Variants in ASAP1 observed in about 807,000 individuals in gnomAD.
ASAP1 encodes the protein ArfGAP with SH3 domain, ankyrin repeat and PH domain 1.
Under a neutral mutation model 145.2 loss-of-function variants are expected in ASAP1, and 43 were observed. That is an observed-to-expected ratio of 0.30 (90% CI 0.23 to 0.38). The LOEUF (loss-of-function observed/expected upper bound fraction) is 0.38. ASAP1 is among the 10% of genes least tolerant of loss of function. The pLI is 1.00. For synonymous variants in ASAP1, 546 were observed against 515.5 expected (o/e 1.06, Z -0.80); for missense variants, 1,018 against 1,355.3 (o/e 0.75, Z 3.91).
intron 3 of ASAP1, among the ~76,000 whole-genome samples, chr8:130,353,932 G>T (rs1299292238): frequency 6.6e-6 from 1 of 152,068 alleles, no homozygotes; most frequent in Non-Finnish European, 1.5e-5. Context: ...TGTCGCCCAG[G>T]CTGGAGTGCA....
intron 3 of ASAP1, among the ~76,000 whole-genome samples, chr8:130,299,500 T>A (rs1402940788): frequency 6.6e-6 from 1 of 152,162 alleles, no homozygotes; most frequent in African/African-American, 2.4e-5. Flanking sequence ...CTCATCCTCA[T>A]CCCCTTTTTA....
intron 27 of ASAP1, among the ~76,000 whole-genome samples, chr8:130,073,029 CAGTT>C (rs1259770747): frequency 6.7e-6 from 1 of 148,846 alleles, no homozygotes; most frequent in South Asian, 2.1e-4. Context: ...AGGAAAAACA[CAGTT>C]AGAGAATTAT....
At chr8:130,152,130 G>C (rs2097647837) in intron 13 of ASAP1, among the ~76,000 whole-genome samples, 1 of 152,158 alleles carries the variant, frequency 6.6e-6, no homozygotes, top group African/African-American at 2.4e-5. Flanking sequence ...AATTCATTGA[G>C]CAGTGCCCCA....
chr8:130,233,878 A>G (rs1383019729), intron 4 of ASAP1, among the ~76,000 whole-genome samples: 10 of 152,218 alleles, frequency 6.6e-5, no homozygotes, highest in Non-Finnish European at 5.9e-5. Context: ...CATAAACTAC[A>G]AAAACGAAAA....
At chr8:130,153,357 A>ATGTG (rs1554834283) in intron 12 of ASAP1, among the ~76,000 whole-genome samples, 10 of 39,872 alleles carry the variant, frequency 2.5e-4, no homozygotes, top group African/African-American at 8.0e-4. Context: ...ATATATATAT[A>ATGTG]TGTATATATA....
At chr8:130,138,673 C>G (rs1316647074) in intron 13 of ASAP1, among the ~76,000 whole-genome samples, 4 of 152,046 alleles carry the variant, frequency 2.6e-5, no homozygotes, top group East Asian at 3.9e-4. Context: ...CCTGTCTCTA[C>G]TAAAAATACA....
intron 28 of ASAP1, among the ~76,000 whole-genome samples, chr8:130,059,549 G>A (rs57047177): frequency 0.11 from 16,582 of 152,064 alleles, 1,136 homozygotes; most frequent in African/African-American, 0.19. Context: ...CTGAACTCCT[G>A]GCCTCAAGCG....
intron 9 of ASAP1, among the ~76,000 whole-genome samples, chr8:130,176,793 C>G (rs550695225): frequency 9.9e-5 from 15 of 151,650 alleles, no homozygotes; most frequent in Admixed American, 6.6e-5. Context: ...TGGATTCAAG[C>G]GATTCTCCTG....
At chr8:130,439,379 T>C (rs991111273) in intron 1 of ASAP1, among the ~76,000 whole-genome samples, 1 of 152,188 alleles carries the variant, frequency 6.6e-6, no homozygotes, top group African/African-American at 2.4e-5. Context: ...ACCACTAAGT[T>C]TGGAGTAATT....
At chr8:130,432,229 C>T (rs1049974395) in intron 1 of ASAP1, among the ~76,000 whole-genome samples, 6 of 151,748 alleles carry the variant, frequency 4.0e-5, no homozygotes, top group Non-Finnish European at 5.9e-5. Context: ...ACAAATGTTA[C>T]GGGTACTCAA....
At chr8:130,241,860 A>C (rs894754818) in intron 3 of ASAP1, among the ~76,000 whole-genome samples, 1 of 152,158 alleles carries the variant, frequency 6.6e-6, no homozygotes, top group African/African-American at 2.4e-5. Flanking sequence ...TTTCTATTTT[A>C]GAATTACTTT....
At chr8:130,329,780 C>T (rs1359615122) in intron 3 of ASAP1, among the ~76,000 whole-genome samples, 18 of 152,194 alleles carry the variant, frequency 1.2e-4, no homozygotes. Flanking sequence ...TGACGTGTTG[C>T]ACTTCTCTAC....
At chr8:130,291,217 T>C (rs1018265883) in intron 3 of ASAP1, among the ~76,000 whole-genome samples, 39 of 152,174 alleles carry the variant, frequency 2.6e-4, no homozygotes, top group African/African-American at 9.2e-4. Flanking sequence ...ATTCTCCTAG[T>C]GTCGAAAAAT....
In ASAP1 at chr8:130,400,647, T is replaced by C. The variant is rs1030163941; in HGVS notation, c.59+1238A>G. 4.0e-5 allele frequency among the ~76,000 whole-genome samples: 6 copies of C among 151,830 alleles called. No individual in the cohort carries two copies. In the East Asian group the frequency reaches 7.9e-4, roughly 20 times the overall value. ...TAAAAAAAAATACAAAAAAATTAGCTGGGCGTGATGGCAGGCGCCTGTAGT... is the reference window on the plus strand; with the variant it reads ...TAAAAAAAAATACAAAAAAATTAGCCGGGCGTGATGGCAGGCGCCTGTAGT... On this transcript the variant is annotated intron_variant, in intron 2 of 29. Coordinates refer to ENST00000518721, the MANE Select transcript of ASAP1 (RefSeq NM_018482.4).
At chr8:130,136,175 T>C (rs1464492829) in intron 14 of ASAP1, among the ~76,000 whole-genome samples, 1 of 152,116 alleles carries the variant, frequency 6.6e-6, no homozygotes, top group Non-Finnish European at 1.5e-5. Flanking sequence ...TCAGCTACAG[T>C]GTGGGTCGGT....
At position 130,108,337 on chromosome 8, in the gene ASAP1, T is replaced by C. The variant is rs538093811; in HGVS notation, c.2401+3757A>G. Among the ~76,000 whole-genome samples, 189 of 152,334 alleles carry C rather than the reference T, an allele frequency of 1.2e-3. 1 individual carries two copies. Among genetic ancestry groups the C allele is most frequent in the Non-Finnish European group, 2.4e-3 (164 of 68,028 alleles). On this transcript the variant is annotated intron_variant, in intron 24 of 29. Coordinates refer to ENST00000518721, the MANE Select transcript of ASAP1 (RefSeq NM_018482.4). ...AGGAATAGATGGGAATGAACTGTAA[T>C]TAGCATATCAGGTGTTCACCTTTCT...
At chr8:130,202,721 G>A (rs910034600) in intron 5 of ASAP1, among the ~76,000 whole-genome samples, 1 of 152,188 alleles carries the variant, frequency 6.6e-6, no homozygotes, top group South Asian at 2.1e-4. Flanking sequence ...GAATGAATGA[G>A]TGAATGAATG....
chr8:130,340,709 G>A, intron 3 of ASAP1: 2 of 293,994 alleles, frequency 6.8e-6, no homozygotes, highest in South Asian at 6.0e-5. Flanking sequence ...TGTGCAATTT[G>A]GGCATTTATT....
intron 24 of ASAP1, among the ~76,000 whole-genome samples, chr8:130,105,148 C>T (rs1044223702): frequency 1.3e-5 from 2 of 152,084 alleles, no homozygotes; most frequent in Non-Finnish European, 2.9e-5. Context: ...TCTGCATCTG[C>T]AGGTTCAACC....
Sources: gnomAD v4.1 joint callset for allele counts (sites outside exome capture counted in the v4.1 genomes callset) on GRCh38, gnomAD v4.1.1 for gene constraint, MANE v1.5 for transcripts, NCBI Gene and HGNC (gene_info 2026-07-23, HGNC 2026-07-21) for gene names.